The following PLCL1 variants were observed in gnomAD, a reference collection of about 807,000 sequenced individuals.
PLCL1 encodes the protein inactive phospholipase C-like protein 1.
In PLCL1, 41 loss-of-function variants were observed where a neutral mutation model predicts 84.4. The ratio of observed to expected loss-of-function variants is 0.49; its 90% confidence interval spans 0.38 to 0.63. PLCL1 has a LOEUF of 0.63. PLCL1 is among the 30% of genes least tolerant of loss of function. The pLI, the probability that PLCL1 is intolerant of heterozygous loss-of-function variation, is 0.00. For missense variants in PLCL1, 1,206 were observed against 1,367.8 expected (o/e 0.88, Z 1.87); for synonymous variants, 490 against 488.3 (o/e 1.00, Z -0.05).
chr2:198,082,954 C>G (rs1250184100), intron 1 of PLCL1, among the ~76,000 whole-genome samples: 1 of 152,166 alleles, frequency 6.6e-6, no homozygotes, highest in Non-Finnish European at 1.5e-5. Flanking sequence ...TTCTGTAACA[C>G]TAAGATCCAA....
Position 198,147,139 on chromosome 2 carries a change from T to A in PLCL1, c.*177T>A. ...TAGTTAATTTATCTAAATTAAAGCC[T>A]TTAGTATCAGTGTTTTAAATTCTGA... On this transcript the variant is annotated 3_prime_UTR_variant, in exon 6 of 6. Coordinates refer to ENST00000428675, the MANE Select transcript of PLCL1 (RefSeq NM_006226.4). The A allele has an allele frequency of 1.9e-6, 1 of 530,592 alleles. No individual in the cohort carries two copies. Among genetic ancestry groups the A allele is most frequent in the Non-Finnish European group, 3.3e-6 (1 of 305,478 alleles). 32.9% of individuals were successfully genotyped at this position (530,592 alleles called of 1,614,324 possible).
At position 197,927,506 on chromosome 2, in the gene PLCL1, A is replaced by C. The variant is rs534592954; in HGVS notation, c.240+122167A>C. On this transcript the variant is annotated intron_variant, in intron 1 of 5. Coordinates refer to ENST00000428675, the MANE Select transcript of PLCL1 (RefSeq NM_006226.4). ...ACCTTCTGTCTTTTCCTAATGCTAA[A>C]AATACAAAGAAGAAAGGTAGAAAAG... Among the ~76,000 whole-genome samples the C allele has an allele frequency of 7.9e-5, 12 of 152,190 alleles. No homozygotes were observed. In the South Asian group the frequency reaches 2.3e-3, roughly 29 times the overall value.
chr2:198,103,589 T>C (rs1263058660), intron 4 of PLCL1, among the ~76,000 whole-genome samples: 1 of 152,046 alleles, frequency 6.6e-6, no homozygotes, highest in Admixed American at 6.6e-5. Context: ...TGTCATTTTC[T>C]ATGGCTCCTG....
chr2:197,810,487 A>G (rs913958818), intron 1 of PLCL1, among the ~76,000 whole-genome samples: 18 of 152,382 alleles, frequency 1.2e-4, no homozygotes, highest in Non-Finnish European at 2.9e-5. Flanking sequence ...TTAAACGTGC[A>G]TTGTGATTGA....
At position 198,085,955 on chromosome 2, in the gene PLCL1, C is replaced by T. The variant is rs748546401; in HGVS notation, c.2438C>T (p.Thr813Met). The T allele has an allele frequency of 6.8e-6, 11 of 1,614,068 alleles. No individual in the cohort carries two copies. Among genetic ancestry groups the T allele is most frequent in the South Asian group, 5.5e-5 (5 of 91,080 alleles). ...YIGDEFIGQYTIPFECLQPGY... is the reference protein window; with the variant it reads ...YIGDEFIGQYMIPFECLQPGY... ...GGGGATGAGTTTATAGGGCAATATA[C>T]GATACCATTTGAATGTTTGCAGCCT... Residue 813 changes from threonine (T) to methionine (M), a missense_variant, in exon 2 of 6, where the codon ACG becomes ATG. Physicochemically the swap from Thr to Met is moderately conservative, Grantham distance 81. Transcript: ENST00000428675. The surrounding 1 kb of genome is among the most constrained non-coding windows in gnomAD (Gnocchi z 5.3).
intron 5 of PLCL1, among the ~76,000 whole-genome samples, chr2:198,136,522 T>A (rs1694259604): frequency 6.6e-6 from 1 of 152,126 alleles, no homozygotes; most frequent in Non-Finnish European, 1.5e-5. Flanking sequence ...GTCTAGATTG[T>A]TATTCTAAGA....
intron 1 of PLCL1, among the ~76,000 whole-genome samples, chr2:197,899,045 A>C (rs1488490378): frequency 1.3e-5 from 2 of 152,122 alleles, no homozygotes; most frequent in Non-Finnish European, 2.9e-5. Context: ...TTTGATCTTC[A>C]ATATTCATTG....
intron 1 of PLCL1, among the ~76,000 whole-genome samples, chr2:198,044,335 A>G (rs1691737741): frequency 1.3e-5 from 2 of 152,138 alleles, no homozygotes; most frequent in South Asian, 2.1e-4. Flanking sequence ...ATGGAGCACA[A>G]TTTTTTAAAT....
At chr2:197,998,867 T>C (rs1690530747) in intron 1 of PLCL1, among the ~76,000 whole-genome samples, 1 of 152,148 alleles carries the variant, frequency 6.6e-6, no homozygotes, top group Non-Finnish European at 1.5e-5. Flanking sequence ...AACGAAGGTG[T>C]GGGTGGGAAC....
At chr2:197,842,798 C>G (rs991549666) in intron 1 of PLCL1, among the ~76,000 whole-genome samples, 1 of 152,122 alleles carries the variant, frequency 6.6e-6, no homozygotes, top group Admixed American at 6.6e-5. Flanking sequence ...CAACCTCTGT[C>G]GTATACTGTC....
chr2:197,881,320 T>A (rs1190346748), intron 1 of PLCL1, among the ~76,000 whole-genome samples: 1 of 152,218 alleles, frequency 6.6e-6, no homozygotes, highest in Non-Finnish European at 1.5e-5. Flanking sequence ...CCTGCTTCAC[T>A]AATCAGATTT....
chr2:198,129,971 G>A (rs780955671), intron 5 of PLCL1, among the ~76,000 whole-genome samples: 4 of 151,922 alleles, frequency 2.6e-5, no homozygotes, highest in Non-Finnish European at 2.9e-5. Context: ...AACATTCTAC[G>A]TGGCTAAGCA....
chr2:197,813,243 A>G (rs1014265098), intron 1 of PLCL1, among the ~76,000 whole-genome samples: 1 of 152,118 alleles, frequency 6.6e-6, no homozygotes, highest in African/African-American at 2.4e-5. Flanking sequence ...AGACCATGCT[A>G]TGTGCACTCT....
intron 1 of PLCL1, among the ~76,000 whole-genome samples, chr2:198,015,488 G>T (rs1312033249): frequency 6.6e-6 from 1 of 152,062 alleles, no homozygotes; most frequent in Middle Eastern, 3.2e-3. Flanking sequence ...AAGTCTTGTT[G>T]GTTATGGTGA....
At chr2:198,123,027 A>G (rs1693904648) in intron 5 of PLCL1, among the ~76,000 whole-genome samples, 1 of 152,120 alleles carries the variant, frequency 6.6e-6, no homozygotes, top group Non-Finnish European at 1.5e-5. Flanking sequence ...CCACAGTCTG[A>G]CAAGACTGCC....
chr2:198,120,646 AG>A (rs778099644), intron 5 of PLCL1, among the ~76,000 whole-genome samples: 18 of 152,106 alleles, frequency 1.2e-4, no homozygotes, highest in Non-Finnish European at 2.4e-4. Flanking sequence ...TGCAAATGAC[AG>A]GATCTCAATC....
intron 1 of PLCL1, among the ~76,000 whole-genome samples, chr2:198,000,100 A>AT (rs371912142): frequency 1.1e-4 from 16 of 151,796 alleles, no homozygotes; most frequent in East Asian, 3.9e-4. Context: ...TGAAAATAGA[A>AT]TTTTTTTTTG....
intron 1 of PLCL1, among the ~76,000 whole-genome samples, chr2:198,016,944 G>A (rs1016883): frequency 0.2 from 30,272 of 152,056 alleles, 3,092 homozygotes; most frequent in East Asian, 0.26. Context: ...CTCAAAGTTA[G>A]AGACCATGAA....
chr2:197,907,970 A>C (rs1213177131), intron 1 of PLCL1, among the ~76,000 whole-genome samples: 4 of 152,192 alleles, frequency 2.6e-5, no homozygotes, highest in Admixed American at 2.0e-4. Flanking sequence ...GCTCTTGTAC[A>C]AGAGGGTCAT....
Sources: gnomAD v4.1 joint callset for allele counts (sites outside exome capture counted in the v4.1 genomes callset) on GRCh38, gnomAD v4.1.1 for gene constraint, Gnocchi (gnomAD v3.1) non-coding constraint, MANE v1.5 for transcripts, NCBI Gene and HGNC (gene_info 2026-07-23, HGNC 2026-07-21) for gene names.